DGKI: variants seen among roughly 807,000 people sequenced by gnomAD.
The protein encoded by DGKI is diacylglycerol kinase iota.
A neutral mutation model predicts 147.5 loss-of-function variants in DGKI; 55 were observed. The observed-to-expected ratio is 0.37, with a 90% confidence interval of 0.30 to 0.47. The LOEUF is 0.47. Among genes scored for constraint, DGKI ranks in the 20% least tolerant of loss-of-function variants. DGKI has a pLI of 1.00. For synonymous variants in DGKI, 469 were observed against 477.1 expected (o/e 0.98, Z 0.22); for missense variants, 1,007 against 1,323.8 (o/e 0.76, Z 3.71).
chr7:137,664,716 C>T (rs889798400), intron 3 of DGKI, among the ~76,000 whole-genome samples: 10 of 152,180 alleles, frequency 6.6e-5, no homozygotes, highest in Admixed American at 6.5e-4. Context: ...CCAGGGATTA[C>T]AGGCATCAGA....
intron 32 of DGKI, among the ~76,000 whole-genome samples, chr7:137,394,366 T>C (rs1669028): frequency 1 from 151,618 of 152,326 alleles, 75,461 homozygotes; most frequent in East Asian, 1. Context: ...AATTCTTCTT[T>C]GTCCAATGTG....
Position 137,563,506 on chromosome 7 carries a change from T to C in DGKI, c.1947+7669A>G, listed in dbSNP as rs184957142. On this transcript the variant is annotated intron_variant, in intron 19 of 32. Transcript: ENST00000614521. ...AACAGTAAAACTCTATTTCAAACAA[T>C]ATAATTGTGGTTGCAGAAAAACCTA... 6.3e-3 allele frequency among the ~76,000 whole-genome samples: 960 copies of C among 151,984 alleles called. 12 individuals are homozygous for C. The highest frequency in any genetic ancestry group is 0.022 in the African/African-American group (905 of 41,512).
intron 1 of DGKI, among the ~76,000 whole-genome samples, chr7:137,834,510 T>G (rs1410676039): frequency 2.0e-5 from 3 of 152,216 alleles, no homozygotes; most frequent in Non-Finnish European, 4.4e-5. Flanking sequence ...TGACTTTTAG[T>G]TCCTGGAAGA....
At chr7:137,756,721 A>C (rs1484263148) in intron 1 of DGKI, among the ~76,000 whole-genome samples, 1 of 152,184 alleles carries the variant, frequency 6.6e-6, no homozygotes, top group Non-Finnish European at 1.5e-5. Flanking sequence ...GTTTAAAAAA[A>C]AAATTAGTTC....
At chr7:137,814,116 G>T (rs1277101794) in intron 1 of DGKI, among the ~76,000 whole-genome samples, 1 of 152,138 alleles carries the variant, frequency 6.6e-6, no homozygotes, top group Non-Finnish European at 1.5e-5. Flanking sequence ...AGAATGAAAG[G>T]ATGGATGTGC....
intron 28 of DGKI, among the ~76,000 whole-genome samples, chr7:137,424,436 G>T (rs1812700539): frequency 6.6e-6 from 1 of 152,166 alleles, no homozygotes; most frequent in African/African-American, 2.4e-5. Context: ...AACAGCTCCG[G>T]TCTACAGCTC....
Position 137,679,481 on chromosome 7 carries a change from A to T in DGKI, c.511-829T>A, listed in dbSNP as rs896273964. ...TGGGACTCTATCTTGGAAATTATAG[A>T]TTTATATATTAATTGTATATTTTGC... On this transcript the variant is annotated intron_variant, in intron 2 of 32. Transcript: ENST00000614521. Among the ~76,000 whole-genome samples the T allele has an allele frequency of 2.0e-3, 304 of 151,482 alleles. 3 individuals are homozygous for T. The highest frequency in any genetic ancestry group is 7.1e-3 in the African/African-American group (293 of 41,304).
At chr7:137,658,733 C>T (rs1439773701) in intron 3 of DGKI, among the ~76,000 whole-genome samples, 1 of 152,196 alleles carries the variant, frequency 6.6e-6, no homozygotes, top group African/African-American at 2.4e-5. Flanking sequence ...AATGCCTCCT[C>T]CTTTGTTTTA....
At chr7:137,589,527 G>A (rs978524756) in intron 12 of DGKI, among the ~76,000 whole-genome samples, 2 of 152,168 alleles carry the variant, frequency 1.3e-5, no homozygotes, top group African/African-American at 4.8e-5. Context: ...GGCTACTGAA[G>A]TCCAAATAAA....
chr7:137,600,011 C>T lies in DGKI; in HGVS notation c.1168-106G>A, dbSNP rs988561690. On this transcript the variant is annotated intron_variant, in intron 10 of 32. Transcript: ENST00000614521. Reference sequence around the variant, plus strand: ...TTTATTTAAAATAATACACAGGGCACGGTGGCACACGCCTGTAATCCCAGC... The same window carrying T: ...TTTATTTAAAATAATACACAGGGCATGGTGGCACACGCCTGTAATCCCAGC... The T allele has an allele frequency of 7.8e-5, 75 of 959,430 alleles. 1 individual carries two copies. Among genetic ancestry groups the T allele is most frequent in the Non-Finnish European group, 9.9e-5 (63 of 634,596 alleles). 59.4% of individuals were successfully genotyped at this position (959,430 alleles called of 1,614,324 possible). A position where few individuals can be genotyped will look rare whatever the true frequency, so the allele number is the denominator to read the frequency against.
At chr7:137,732,948 T>G (rs1006163462) in intron 1 of DGKI, among the ~76,000 whole-genome samples, 29 of 151,992 alleles carry the variant, frequency 1.9e-4, no homozygotes, top group African/African-American at 6.8e-4. Context: ...CACTCATCAG[T>G]ATCATCTCAG....
chr7:137,836,049 T>C (rs1798371664), intron 1 of DGKI, among the ~76,000 whole-genome samples: 1 of 152,242 alleles, frequency 6.6e-6, no homozygotes, highest in Non-Finnish European at 1.5e-5. Context: ...AATGGTAAGC[T>C]GTGAAAGCAC....
chr7:137,762,605 AC>A (rs1795891744), intron 1 of DGKI, among the ~76,000 whole-genome samples: 1 of 152,138 alleles, frequency 6.6e-6, no homozygotes, highest in Non-Finnish European at 1.5e-5. Context: ...GAACACCCTC[AC>A]CCCAGCATGG....
intron 1 of DGKI, among the ~76,000 whole-genome samples, chr7:137,698,629 C>T (rs1411113406): frequency 3.9e-5 from 6 of 152,136 alleles, no homozygotes; most frequent in African/African-American, 9.7e-5. Flanking sequence ...CTCCCAGCAG[C>T]GGTGAAATGA....
At chr7:137,766,790 T>C (rs964398175) in intron 1 of DGKI, among the ~76,000 whole-genome samples, 4 of 152,030 alleles carry the variant, frequency 2.6e-5, no homozygotes, top group African/African-American at 9.7e-5. Context: ...AAAGAGAGAA[T>C]TGAGTGAAAG....
rs556214961 is a variant in DGKI at position 137,451,468 on chromosome 7, C to T, written c.2736-7366G>A. Among the ~76,000 whole-genome samples, 64 of 152,350 alleles carry T rather than the reference C, an allele frequency of 4.2e-4. No individual in the cohort carries two copies. In the South Asian group the frequency reaches 0.013, roughly 30 times the overall value. ...TGCCTTCAATCCACAAATTTTCCTT[C>T]AAAGCCTTTTATCTTTCTAGTAGAT... On this transcript the variant is annotated intron_variant, in intron 27 of 32. Transcript: ENST00000614521.
chr7:137,620,769 T>G (rs1820720226), intron 7 of DGKI, among the ~76,000 whole-genome samples: 1 of 152,202 alleles, frequency 6.6e-6, no homozygotes, highest in African/African-American at 2.4e-5. Context: ...CAACCATCTT[T>G]TGTGTGACTA....
chr7:137,728,780 T>C (rs896225079), intron 1 of DGKI, among the ~76,000 whole-genome samples: 1 of 152,142 alleles, frequency 6.6e-6, no homozygotes, highest in East Asian at 1.9e-4. Flanking sequence ...TCCTTAGACA[T>C]AGTAATATTT....
At position 137,638,624 on chromosome 7, in the gene DGKI, A is replaced by ATG. The variant is rs1563125950; in HGVS notation, c.804+6847_804+6848insCA. ...TATGTATATATATACACACACACAT[A>ATG]TATATGTGTGTATATATGTGTATGT... On this transcript the variant is annotated intron_variant, in intron 6 of 32. Coordinates refer to ENST00000614521, the MANE Select transcript of DGKI (RefSeq NM_001321708.2). 6.5e-3 allele frequency among the ~76,000 whole-genome samples: 15 copies of ATG among 2,306 alleles called. 4 individuals are homozygous for ATG. The highest frequency in any genetic ancestry group is 9.1e-3 in the African/African-American group (12 of 1,322). The allele number at this position is 2,306 out of a possible 152,430, so 1.5% of individuals were successfully genotyped here.
Sources: allele counts gnomAD v4.1 joint callset (sites outside exome capture counted in the v4.1 genomes callset), GRCh38; gene constraint gnomAD v4.1.1; transcripts MANE v1.5; gene names NCBI Gene and HGNC (gene_info 2026-07-23, HGNC 2026-07-21).